SCAF1: variants seen among roughly 807,000 people sequenced by gnomAD.
SCAF1 encodes the protein SR-related CTD associated factor 1.
In SCAF1, 28 loss-of-function variants were observed where a neutral mutation model predicts 91.2. The ratio of observed to expected loss-of-function variants is 0.31; its 90% confidence interval spans 0.23 to 0.42. SCAF1 has a LOEUF of 0.42. SCAF1 is among the 10% of genes least tolerant of loss of function. The probability of loss-of-function intolerance (pLI) is 1.00; values close to 1 mark genes in which losing one functional copy is unlikely to be tolerated. For synonymous variants in SCAF1, 1,036 were observed against 833.7 expected (o/e 1.24, Z -4.18); for missense variants, 1,893 against 1,872.1 (o/e 1.01, Z -0.21).
chr19:49,651,944 TC>T lies in SCAF1; in HGVS notation c.1557del (p.Arg520GlyfsTer218). ...AAAGPPTRKKSRRERKRSGEA... is the reference protein window; with the variant it reads ...AAAGPPTRKKXRRERKRSGEA... The stretch of plus-strand genomic sequence containing the variant: ...TGCTGGTCCGCCCACGCGCAAGAAG[TC>T]CAGGCGGGAACGCAAGCGCAGCGGC... On this transcript the variant is annotated frameshift_variant, in exon 7 of 11. Coordinates refer to ENST00000360565, the MANE Select transcript of SCAF1 (RefSeq NM_021228.3). LOFTEE classifies it high-confidence loss of function. 1 of 1,193,740 alleles carries T rather than the reference TC, an allele frequency of 8.4e-7. No homozygotes were observed. Among genetic ancestry groups the T allele is most frequent in the South Asian group, 1.8e-5 (1 of 56,528 alleles). 73.9% of individuals were successfully genotyped at this position (1,193,740 alleles called of 1,614,324 possible). A position where few individuals can be genotyped will look rare whatever the true frequency, so the allele number is the denominator to read the frequency against.
chr19:49,651,435 G>T lies in SCAF1; in HGVS notation c.1046G>T (p.Arg349Leu). The stretch of plus-strand genomic sequence containing the variant: ...TCCACCCGGGCTGATGGAGCCATGC[G>T]CCGGCGGGTCTTCGTGGTGGGGACC... ...VDSTRADGAM[R>L]RRVFVVGTEA... The change falls in exon 7 of 11, where the codon CGC becomes CTC. Residue 349 changes from arginine (R) to leucine (L), a missense_variant. Physicochemically the swap from Arg to Leu is moderately radical, Grantham distance 102. This residue lies in a region of SCAF1 where 1,436 missense variants were observed against 1,306.8 expected (regional missense o/e 1.10). Coordinates refer to ENST00000360565, the MANE Select transcript of SCAF1 (RefSeq NM_021228.3). 1 of 1,597,916 alleles carries T rather than the reference G, an allele frequency of 6.3e-7. No homozygotes were observed.
In SCAF1 at chr19:49,651,509, G is replaced by T. The variant is rs957126523; in HGVS notation, c.1120G>T (p.Ala374Ser). Residue 374 changes from alanine (A) to serine (S), a missense_variant, in exon 7 of 11, where the codon GCT becomes TCT. Around this residue, in one of 5 missense-constraint regions of SCAF1, gnomAD observed 1,436 missense variants for 1,306.8 expected, o/e 1.10. Transcript: ENST00000360565. The part of the protein sequence containing the change: ...EGKVSVEVVT[A>S]GGAALPPPLL... ...CAAGGTCTCGGTGGAGGTGGTGACC[G>T]CTGGTGGAGCCGCCCTCCCGCCGCC... 10 of 1,572,908 alleles carry T rather than the reference G, an allele frequency of 6.4e-6. No homozygotes were observed. The highest frequency in any genetic ancestry group is 8.6e-6 in the Non-Finnish European group (10 of 1,161,922).
At chr19:49,641,173 G>C (rs1190032954), upstream of SCAF1, among the ~76,000 whole-genome samples, 2 of 152,148 alleles carry the variant, frequency 1.3e-5, no homozygotes, top group African/African-American at 4.8e-5. Context: ...TTGGATCCGA[G>C]GAAGGAAGAA....
At chr19:49,658,167 C>G (rs765901260) in intron 10 of SCAF1, 41 bp from the exon 11 acceptor site, 4 of 1,587,720 alleles carry the variant, frequency 2.5e-6, no homozygotes, top group African/African-American at 2.7e-5. Flanking sequence ...GATGGGGCCC[C>G]GGGAGCCTGG....
rs1436754876 is a variant in SCAF1, at chr19:49,646,559, G to C, written c.295G>C (p.Gly99Arg). The C allele has an allele frequency of 6.2e-7, 1 of 1,613,980 alleles. No individual in the cohort carries two copies. Among genetic ancestry groups the C allele is most frequent in the Admixed American group, 1.7e-5 (1 of 59,998 alleles). The part of the protein sequence containing the change: ...LDMATDSFLA[G>R]LVSVLDPPDT... The stretch of plus-strand genomic sequence containing the variant: ...CATGGCCACGGACAGCTTCCTCGCA[G>C]GGCTGGTGAGTGTCCTGGATCCCCC... The change falls in exon 5 of 11, where the codon GGG (glycine) becomes CGG (arginine). Residue 99 changes from glycine to arginine, a missense_variant. Transcript: ENST00000360565. The surrounding 1 kb of genome is among the most constrained non-coding windows in gnomAD (Gnocchi z 5.6).
chr19:49,654,794 C>G lies in SCAF1; in HGVS notation c.3542C>G (p.Thr1181Ser). The change falls in exon 9 of 11, where the codon ACC becomes AGC. Residue 1181 changes from threonine to serine, a missense_variant. Transcript: ENST00000360565. The part of the protein sequence containing the change: ...PLGGCGSTPP[T>S]PTGLAATSDK... ...GGGGGCTGCGGTTCGACCCCCCCCA[C>G]CCCCACCGGGCTGGCTGCCACGTCT... 6.2e-7 allele frequency: 1 copy of G among 1,612,604 alleles called. No homozygotes were observed. The highest frequency in any genetic ancestry group is 1.7e-5 in the Admixed American group (1 of 59,966).
Position 49,652,504 on chromosome 19 carries a change from C to G in SCAF1, c.2115C>G (p.Ile705Met). ...ACCTCTTCGCCATCAAGCGGACCAT[C>G]ACGGTGGGCCGGCTTGACAAGTCCG... ...DHDLFAIKRT[I>M]TVGRLDKSDP... is the part of the protein sequence containing the mutation. The change falls in exon 7 of 11, where the codon ATC becomes ATG. Residue 705 changes from isoleucine (I) to methionine (M), a missense_variant. Ile to Met is a conservative substitution (Grantham distance 10, BLOSUM62 1). Around this residue, in one of 5 missense-constraint regions of SCAF1, gnomAD observed 1,436 missense variants for 1,306.8 expected, o/e 1.10. Transcript: ENST00000360565. 1 of 1,582,728 alleles carries G rather than the reference C, an allele frequency of 6.3e-7. No homozygotes were observed.
At position 49,652,727 on chromosome 19, in the gene SCAF1, C is replaced by CGGGACAGGGACAGAGATA; in HGVS notation, c.2352_2369dup (p.Asp785_Arg790dup). ...GGCGCTGGACGGGGGTGACCGGGATCGGGACAGGGACAGAGATAGGGACAG... is the reference window on the plus strand; with the variant it reads ...GGCGCTGGACGGGGGTGACCGGGATCGGGACAGGGACAGAGATAGGGACAGGGACAGAGATAGGGACAG... On this transcript the variant is annotated inframe_insertion, in exon 7 of 11. Transcript: ENST00000360565. 5 of 1,599,286 alleles carry CGGGACAGGGACAGAGATA rather than the reference C, an allele frequency of 3.1e-6. No homozygotes were observed. The highest frequency in any genetic ancestry group is 4.3e-6 in the Non-Finnish European group (5 of 1,173,194).
chr19:49,654,678 A>G lies in SCAF1; in HGVS notation c.3426A>G (p.Ser1142=). 1 of 1,613,302 alleles carries G rather than the reference A, an allele frequency of 6.2e-7. No homozygotes were observed. Among genetic ancestry groups the G allele is most frequent in the Non-Finnish European group, 8.5e-7 (1 of 1,179,566 alleles). Residue 1142 remains serine, a synonymous_variant, in exon 9 of 11, where the codon TCA becomes TCG. Transcript: ENST00000360565. ...NQILSHRKPP[S]SLGMTPAPVP... The stretch of plus-strand genomic sequence containing the variant: ...TCCTCAGCCACAGAAAGCCACCCTC[A>G]AGTCTGGGGATGACCCCAGCTCCTG...
rs529168682 is a variant in SCAF1, at chr19:49,651,628, C to T, written c.1239C>T (p.Gly413=). Residue 413 remains glycine (G), a synonymous_variant, in exon 7 of 11, where the codon GGC becomes GGT. Transcript: ENST00000360565. Reference sequence around the variant, plus strand: ...TGGCGCTGTCCCTCTTCCGCCCCGGCGGCCGGGCCGCCCGGCCTACACCGG... The same window carrying T: ...TGGCGCTGTCCCTCTTCCGCCCCGGTGGCCGGGCCGCCCGGCCTACACCGG... The part of the protein sequence containing the change: ...PRLALSLFRP[G]GRAARPTPAA... The T allele has an allele frequency of 1.1e-4, 165 of 1,449,662 alleles. 3 individuals carry two copies. The South Asian group carries it at 1.7e-3, about 15-fold the overall frequency. The allele number at this position is 1,449,662 out of a possible 1,614,324, so 89.8% of individuals were successfully genotyped here.
In SCAF1 at chr19:49,652,180, C is replaced by T; in HGVS notation, c.1791C>T (p.Ser597=). Residue 597 remains serine, a synonymous_variant, in exon 7 of 11, where the codon AGC becomes AGT. Coordinates refer to ENST00000360565, the MANE Select transcript of SCAF1 (RefSeq NM_021228.3). The part of the protein sequence containing the change: ...SRSTDRRRGG[S]RRSRSREKRR... Reference sequence around the variant, plus strand: ...GCACCGACCGCCGCCGCGGGGGCAGCCGCAGGTCGCGGTCCCGGGAGAAGC... The same window carrying T: ...GCACCGACCGCCGCCGCGGGGGCAGTCGCAGGTCGCGGTCCCGGGAGAAGC... 8.3e-7 allele frequency: 1 copy of T among 1,207,170 alleles called. No homozygotes were observed. The highest frequency in any genetic ancestry group is 1.0e-6 in the Non-Finnish European group (1 of 969,832). The allele number at this position is 1,207,170 out of a possible 1,614,324, so 74.8% of individuals were successfully genotyped here.
rs1172133148 is a variant in SCAF1 at position 49,658,238 on chromosome 19, C to T, written c.3778C>T (p.Pro1260Ser). The T allele has an allele frequency of 6.2e-7, 1 of 1,613,498 alleles. No individual in the cohort carries two copies. ...CCACAGCAAAAGTGGGGAAATCAACCCAGTGAAGGTGAGCAACCTGGTGCG... is the reference window on the plus strand; with the variant it reads ...CCACAGCAAAAGTGGGGAAATCAACTCAGTGAAGGTGAGCAACCTGGTGCG... Reference protein sequence around the residue: ...ICHSKSGEINPVKVSNLVRAY... With the variant: ...ICHSKSGEINSVKVSNLVRAY... The change falls in exon 11 of 11, where the codon CCA (proline) becomes TCA (serine). Residue 1260 changes from proline to serine, a missense_variant. Pro to Ser is a moderately conservative substitution (Grantham distance 74). Coordinates refer to ENST00000360565, the MANE Select transcript of SCAF1 (RefSeq NM_021228.3).
chr19:49,646,141 G>A lies in SCAF1; in HGVS notation c.200G>A (p.Arg67His), dbSNP rs747670425. The A allele has an allele frequency of 9.3e-6, 15 of 1,611,720 alleles. No homozygotes were observed. Among genetic ancestry groups the A allele is most frequent in the Admixed American group, 3.3e-5 (2 of 59,936 alleles). ...CGGTGTCATGGCCTTCGATGGCGGC[G>A]CTGCCGGAGTCCACGGTCAGAGCCC... is the stretch of plus-strand genomic sequence containing the variant. ...GSRCHGLRWRRCRSPRSEPRS... is the reference protein window; with the variant it reads ...GSRCHGLRWRHCRSPRSEPRS... Residue 67 changes from arginine to histidine, a missense_variant, in exon 4 of 11, where the codon CGC becomes CAC. Around this residue, in one of 5 missense-constraint regions of SCAF1, gnomAD observed 270 missense variants for 292.5 expected, o/e 0.92. Transcript: ENST00000360565. This position sits in a 1 kb window ranked among gnomAD's most constrained non-coding sequence, Gnocchi z 5.6.
In SCAF1 at chr19:49,646,277, G is replaced by T; in HGVS notation, c.261+75G>T. ...AAGGGATGGGGGCCTGAGTCTGGGGGAATGGGGTTTGGGGACCTGGACTCC... is the reference window on the plus strand; with the variant it reads ...AAGGGATGGGGGCCTGAGTCTGGGGTAATGGGGTTTGGGGACCTGGACTCC... On this transcript the variant is annotated intron_variant, in intron 4 of 10. Transcript: ENST00000360565. This position sits in a 1 kb window ranked among gnomAD's most constrained non-coding sequence, Gnocchi z 5.6. The T allele has an allele frequency of 9.2e-7, 1 of 1,086,282 alleles. No individual in the cohort carries two copies. Among genetic ancestry groups the T allele is most frequent in the Non-Finnish European group, 1.3e-6 (1 of 749,126 alleles). 67.3% of individuals were successfully genotyped at this position (1,086,282 alleles called of 1,614,324 possible).
intron 1 of SCAF1, among the ~76,000 whole-genome samples, chr19:49,643,908 G>A (rs1408860268): frequency 6.6e-6 from 1 of 152,142 alleles, no homozygotes; most frequent in South Asian, 2.1e-4. Context: ...ATGGGATCTA[G>A]AACAGGACCA....
Position 49,651,387 on chromosome 19 carries a change from C to G in SCAF1, c.998C>G (p.Pro333Arg), listed in dbSNP as rs1012223054. 6.2e-7 allele frequency: 1 copy of G among 1,607,868 alleles called. No homozygotes were observed. Among genetic ancestry groups the G allele is most frequent in the East Asian group, 2.2e-5 (1 of 44,744 alleles). ...DAQPTQPTPA[P>R]GTPPQVDSTR... ...CAGCCCACACAGCCGACTCCCGCCC[C>G]TGGAACGCCGCCCCAGGTGGACTCC... The change falls in exon 7 of 11, where the codon CCT becomes CGT. Residue 333 changes from proline to arginine, a missense_variant. Around this residue, in one of 5 missense-constraint regions of SCAF1, gnomAD observed 1,436 missense variants for 1,306.8 expected, o/e 1.10. Transcript: ENST00000360565.
intron 7 of SCAF1, among the ~76,000 whole-genome samples, chr19:49,654,147 A>G (rs1486144689): frequency 6.6e-6 from 1 of 152,190 alleles, no homozygotes; most frequent in Non-Finnish European, 1.5e-5. Context: ...CCGCACCCAC[A>G]CACCTGGAGT....
rs1568443605 is a variant in SCAF1, at chr19:49,652,103, CGCCGCT to C, written c.1715_1720del (p.Arg572_Ser574delinsPro). On this transcript the variant is annotated inframe_deletion, in exon 7 of 11. Coordinates refer to ENST00000360565, the MANE Select transcript of SCAF1 (RefSeq NM_021228.3). ...CTCCCACGCCTCGTCGTCCGCCCGC[CGCCGCT>C]CCCGCTCCCGCTCCCGCTCCCGCTC... 3.6e-6 allele frequency: 4 copies of C among 1,112,108 alleles called. No individual in the cohort carries two copies. Among genetic ancestry groups the C allele is most frequent in the South Asian group, 1.9e-5 (1 of 51,324 alleles). The allele number at this position is 1,112,108 out of a possible 1,614,324, so 68.9% of individuals were successfully genotyped here.
rs2081097227 is a variant in SCAF1 at position 49,652,085 on chromosome 19, G to A, written c.1696G>A (p.Ala566Thr). ...RSRDRKPGSH[A>T]SSSARRRSRS... ...GCGGGACCGCAAGCCCGGCTCCCAC[G>A]CCTCGTCGTCCGCCCGCCGCCGCTC... Residue 566 changes from alanine to threonine, a missense_variant, in exon 7 of 11, where the codon GCC (alanine) becomes ACC (threonine). This residue lies in a region of SCAF1 where 1,436 missense variants were observed against 1,306.8 expected (regional missense o/e 1.10). Coordinates refer to ENST00000360565, the MANE Select transcript of SCAF1 (RefSeq NM_021228.3). 8.4e-7 allele frequency: 1 copy of A among 1,185,424 alleles called. No individual in the cohort carries two copies. Among genetic ancestry groups the A allele is most frequent in the Non-Finnish European group, 1.1e-6 (1 of 946,780 alleles). 73.4% of individuals were successfully genotyped at this position (1,185,424 alleles called of 1,614,324 possible).
Sources: gnomAD v4.1 joint callset for allele counts (sites outside exome capture counted in the v4.1 genomes callset) on GRCh38, gnomAD v4.1.1 for gene constraint, gnomAD v4.1.1 regional missense constraint, Gnocchi (gnomAD v3.1) non-coding constraint, MANE v1.5 for transcripts, NCBI Gene and HGNC (gene_info 2026-07-23, HGNC 2026-07-21) for gene names.